Variants in CFAP210 observed in about 807,000 individuals in gnomAD.
CFAP210 encodes cilia and flagella associated protein 210.
At chr2:169,667,783 A>C in the CFAP210 span, among the ~76,000 whole-genome samples, 2 of 152,170 alleles carry the variant, frequency 1.3e-5, no homozygotes, top group African/African-American at 4.8e-5. Flanking sequence ...TAAAATATTC[A>C]GTAAGCCTTG....
chr2:169,681,468 A>C, the CFAP210 span: 5 of 517,718 alleles, frequency 9.7e-6, no homozygotes, highest in African/African-American at 9.6e-5. Flanking sequence ...AACTTGGGCA[A>C]GTCATTTAAC....
At chr2:169,672,382 G>A in the CFAP210 span, among the ~76,000 whole-genome samples, 9 of 152,148 alleles carry the variant, frequency 5.9e-5, no homozygotes, top group African/African-American at 2.2e-4. Flanking sequence ...GAGTTTATTT[G>A]GGAGAATTAG....
At chr2:169,656,458 GAGA>G in the CFAP210 span, among the ~76,000 whole-genome samples, 1 of 150,716 alleles carries the variant, frequency 6.6e-6, no homozygotes, top group Non-Finnish European at 1.5e-5. Context: ...AGATGAAGTA[GAGA>G]AGGAGGAGGA....
chr2:169,646,419 T>A, the CFAP210 span, among the ~76,000 whole-genome samples: 1 of 152,154 alleles, frequency 6.6e-6, no homozygotes, highest in Non-Finnish European at 1.5e-5. Context: ...AATAGCACAG[T>A]GAAATAGCGA....
At chr2:169,680,727 C>T in the CFAP210 span, among the ~76,000 whole-genome samples, 2 of 152,110 alleles carry the variant, frequency 1.3e-5, no homozygotes, top group Non-Finnish European at 2.9e-5. Context: ...GGGAACAAAA[C>T]AGGTCATGAG....
At chr2:169,691,908 A>T in the CFAP210 span, among the ~76,000 whole-genome samples, 1 of 152,182 alleles carries the variant, frequency 6.6e-6, no homozygotes, top group Non-Finnish European at 1.5e-5. Context: ...AACTAGACAG[A>T]CATATCTTTG....
At chr2:169,662,334 T>C in the CFAP210 span, 8 of 1,604,790 alleles carry the variant, frequency 5.0e-6, no homozygotes, top group South Asian at 6.9e-5. Context: ...CTAGTTTTTT[T>C]CTCATTTCAA....
the CFAP210 span, chr2:169,650,372 T>G: frequency 6.2e-7 from 1 of 1,602,718 alleles, no homozygotes; most frequent in African/African-American, 1.3e-5. Context: ...TTCTGCTTTG[T>G]TTTTTTCATC....
chr2:169,662,191 A>T, the CFAP210 span: 10 of 1,383,856 alleles, frequency 7.2e-6, no homozygotes, highest in Non-Finnish European at 1.0e-5. Context: ...CATGTACTCC[A>T]TAAACATGTA....
the CFAP210 span, among the ~76,000 whole-genome samples, chr2:169,681,834 G>A: frequency 6.6e-6 from 1 of 152,112 alleles, no homozygotes; most frequent in Non-Finnish European, 1.5e-5. Flanking sequence ...TGTTCTTCTG[G>A]GAGAGACATC....
chr2:169,661,360 C>A, the CFAP210 span: 1 of 414,696 alleles, frequency 2.4e-6, no homozygotes, highest in South Asian at 1.9e-5. Flanking sequence ...CATTTTCAGG[C>A]ACTGCTTGTA....
the CFAP210 span, among the ~76,000 whole-genome samples, chr2:169,676,958 C>T: frequency 1.3e-5 from 2 of 152,072 alleles, no homozygotes; most frequent in Non-Finnish European, 2.9e-5. Context: ...TCTCCCCAGG[C>T]GAGATAATAA....
At chr2:169,664,225 T>A in the CFAP210 span, among the ~76,000 whole-genome samples, 1 of 151,986 alleles carries the variant, frequency 6.6e-6, no homozygotes, top group Non-Finnish European at 1.5e-5. Flanking sequence ...TGAAGAACAT[T>A]GTAAAAAGAG....
chr2:169,652,692 AAAAT>A, the CFAP210 span, among the ~76,000 whole-genome samples: 229 of 152,188 alleles, frequency 1.5e-3, no homozygotes, highest in Non-Finnish European at 2.6e-3. Flanking sequence ...GACAGTAAAC[AAAAT>A]AAATAGTTTT....
At chr2:169,670,946 G>A in the CFAP210 span, among the ~76,000 whole-genome samples, 7 of 152,160 alleles carry the variant, frequency 4.6e-5, no homozygotes, top group Non-Finnish European at 1.0e-4. Context: ...TTAAATCACC[G>A]CAAGGTAGCA....
the CFAP210 span, among the ~76,000 whole-genome samples, chr2:169,663,267 CT>C: frequency 7.2e-6 from 1 of 139,430 alleles, no homozygotes; most frequent in Non-Finnish European, 1.6e-5. Context: ...TATCTGCCCT[CT>C]CTCTCTTTTT....
the CFAP210 span, among the ~76,000 whole-genome samples, chr2:169,689,625 G>A: frequency 6.6e-6 from 1 of 152,168 alleles, no homozygotes. Context: ...TAAATGCCAT[G>A]GCTAGAATTT....
chr2:169,685,489 A>G, the CFAP210 span, among the ~76,000 whole-genome samples: 1 of 152,228 alleles, frequency 6.6e-6, no homozygotes, highest in Non-Finnish European at 1.5e-5. Flanking sequence ...AGAATTCTTT[A>G]TAATCTGGAT....
the CFAP210 span, chr2:169,650,412 C>A: frequency 5.0e-6 from 8 of 1,606,324 alleles, no homozygotes; most frequent in South Asian, 9.0e-5. Context: ...TCCCATTCAG[C>A]CTCAGCTTCT....
Sources: allele counts gnomAD v4.1 joint callset (sites outside exome capture counted in the v4.1 genomes callset), GRCh38; gene constraint gnomAD v4.1.1; transcripts MANE v1.5; gene names NCBI Gene and HGNC (gene_info 2026-07-23, HGNC 2026-07-21).